NPAS3: variants seen among roughly 807,000 people sequenced by gnomAD.
NPAS3 encodes the protein neuronal PAS domain protein 3.
In NPAS3, 14 loss-of-function variants were observed where a neutral mutation model predicts 73.1. That is an observed-to-expected ratio of 0.19 (90% CI 0.13 to 0.30). NPAS3 has a LOEUF of 0.30. Among genes scored for constraint, NPAS3 ranks in the 10% least tolerant of loss-of-function variants. The pLI is 1.00. For synonymous variants in NPAS3, 620 were observed against 541.5 expected (o/e 1.14, Z -2.01); for missense variants, 1,096 against 1,250.0 (o/e 0.88, Z 1.86).
At chr14:33,520,340 T>G (rs2053500383) in intron 4 of NPAS3, among the ~76,000 whole-genome samples, 1 of 152,140 alleles carries the variant, frequency 6.6e-6, no homozygotes, top group South Asian at 2.1e-4. Flanking sequence ...GGTCTATTAA[T>G]CTCAGATGTT....
At chr14:33,445,736 C>T (rs1355934955) in intron 4 of NPAS3, among the ~76,000 whole-genome samples, 3 of 152,186 alleles carry the variant, frequency 2.0e-5, no homozygotes, top group Admixed American at 6.5e-5. Flanking sequence ...AGTCAACCTA[C>T]TTGAATAGGA....
chr14:33,350,751 A>G (rs915601982), intron 3 of NPAS3, among the ~76,000 whole-genome samples: 3 of 152,232 alleles, frequency 2.0e-5, no homozygotes, highest in African/African-American at 7.2e-5. Context: ...TGCGGCTAAT[A>G]AAATTTCAGA....
chr14:33,722,025 C>A (rs994245960), intron 6 of NPAS3, among the ~76,000 whole-genome samples: 1 of 152,178 alleles, frequency 6.6e-6, no homozygotes, highest in Non-Finnish European at 1.5e-5. Context: ...AGAGGATTAA[C>A]CACAAAACAA....
chr14:33,686,873 A>G (rs2060103207), intron 6 of NPAS3, among the ~76,000 whole-genome samples: 1 of 152,126 alleles, frequency 6.6e-6, no homozygotes, highest in East Asian at 1.9e-4. Context: ...TCCCTATAAC[A>G]TAGGAAACTT....
At chr14:32,951,889 T>C (rs1010038639) in intron 1 of NPAS3, among the ~76,000 whole-genome samples, 15 of 152,046 alleles carry the variant, frequency 9.9e-5, no homozygotes, top group Admixed American at 3.9e-4. Flanking sequence ...GGTGAACTGA[T>C]TTGGGGTTTG....
intron 4 of NPAS3, among the ~76,000 whole-genome samples, chr14:33,489,162 T>C (rs940689233): frequency 6.6e-6 from 1 of 152,198 alleles, no homozygotes; most frequent in African/African-American, 2.4e-5. Context: ...TTATTTATTT[T>C]ATTTTTAGTG....
intron 4 of NPAS3, among the ~76,000 whole-genome samples, chr14:33,473,670 G>A (rs1177360309): frequency 6.6e-6 from 1 of 152,160 alleles, no homozygotes; most frequent in Non-Finnish European, 1.5e-5. Context: ...TGAGTGTAAT[G>A]GGAAGAGAGT....
At chr14:33,746,848 C>T (rs944326059) in intron 7 of NPAS3, among the ~76,000 whole-genome samples, 3 of 151,986 alleles carry the variant, frequency 2.0e-5, no homozygotes, top group African/African-American at 7.3e-5. Context: ...CACCCACTAA[C>T]TCGTCATCTA....
At chr14:33,320,694 G>A (rs559014638) in intron 3 of NPAS3, among the ~76,000 whole-genome samples, 1 of 152,300 alleles carries the variant, frequency 6.6e-6, no homozygotes, top group South Asian at 2.1e-4. Flanking sequence ...GCAGAGGGAA[G>A]CACATTCAGT....
intron 4 of NPAS3, among the ~76,000 whole-genome samples, chr14:33,409,921 T>C (rs2138877032): frequency 6.6e-6 from 1 of 152,262 alleles, no homozygotes; most frequent in African/African-American, 2.4e-5. Context: ...ATTGGAGATA[T>C]TAAGTATTTT....
At chr14:33,230,453 C>T (rs760181455) in intron 3 of NPAS3, among the ~76,000 whole-genome samples, 1 of 152,178 alleles carries the variant, frequency 6.6e-6, no homozygotes, top group Non-Finnish European at 1.5e-5. Flanking sequence ...AAAGAACACT[C>T]AAACTTCTAC....
intron 2 of NPAS3, among the ~76,000 whole-genome samples, chr14:33,074,602 A>C (rs2041595627): frequency 6.6e-6 from 1 of 152,122 alleles, no homozygotes; most frequent in Non-Finnish European, 1.5e-5. Context: ...TTTTTAGTAG[A>C]GATGGGATTT....
At position 33,645,906 on chromosome 14, in the gene NPAS3, G is replaced by A. The variant is rs139766184; in HGVS notation, c.559-30305G>A. ...CATGTTCCTTCAACAGACCTTCATT[G>A]AGGGCCGTCACACCATGGGAGCTGG... On this transcript the variant is annotated intron_variant, in intron 5 of 11. Coordinates refer to ENST00000356141, the Ensembl canonical transcript of NPAS3. 4.4e-3 allele frequency among the ~76,000 whole-genome samples: 674 copies of A among 152,350 alleles called. 4 individuals carry two copies. Among genetic ancestry groups the A allele is most frequent in the Middle Eastern group, 0.034 (10 of 294 alleles).
intron 6 of NPAS3, among the ~76,000 whole-genome samples, chr14:33,705,598 G>C (rs1407014159): frequency 6.6e-6 from 1 of 152,200 alleles, no homozygotes; most frequent in African/African-American, 2.4e-5. Flanking sequence ...ACAGGGCGTG[G>C]AGAAGCTATG....
At chr14:33,424,678 A>G (rs1298635374) in intron 4 of NPAS3, among the ~76,000 whole-genome samples, 2 of 151,702 alleles carry the variant, frequency 1.3e-5, no homozygotes, top group African/African-American at 4.8e-5. Context: ...TGGACAGCAA[A>G]GGGAAGGTGA....
chr14:33,397,299 C>T (rs1279223273), intron 4 of NPAS3, among the ~76,000 whole-genome samples: 3 of 152,090 alleles, frequency 2.0e-5, no homozygotes, highest in Non-Finnish European at 4.4e-5. Flanking sequence ...AGTACTAAGC[C>T]ACAATACTAG....
intron 5 of NPAS3, among the ~76,000 whole-genome samples, chr14:33,615,516 C>T (rs377652342): frequency 1.5e-3 from 231 of 152,214 alleles, no homozygotes; most frequent in African/African-American, 5.4e-3. Context: ...ACTAGAAGGT[C>T]ACTTCAGTGT....
chr14:33,772,598 T>C (rs1236533942), intron 7 of NPAS3, among the ~76,000 whole-genome samples: 2 of 152,204 alleles, frequency 1.3e-5, no homozygotes, highest in Non-Finnish European at 2.9e-5. Flanking sequence ...AGCTGAGTGT[T>C]CCTGATAAAA....
At chr14:33,364,805 G>A (rs1016429683) in intron 3 of NPAS3, among the ~76,000 whole-genome samples, 3 of 151,478 alleles carry the variant, frequency 2.0e-5, no homozygotes, top group Non-Finnish European at 4.4e-5. Flanking sequence ...AGACAACAGC[G>A]TCTATGCTTT....
Sources: gnomAD v4.1 joint callset for allele counts (sites outside exome capture counted in the v4.1 genomes callset) on GRCh38, gnomAD v4.1.1 for gene constraint, MANE v1.5 for transcripts, NCBI Gene and HGNC (gene_info 2026-07-23, HGNC 2026-07-21) for gene names.